Variants in SNX25 observed in about 807,000 individuals in gnomAD.
SNX25 encodes the protein sorting nexin-25.
Under a neutral mutation model 113.7 loss-of-function variants are expected in SNX25, and 62 were observed. That is an observed-to-expected ratio of 0.55 (90% confidence interval 0.44 to 0.67). The LOEUF (loss-of-function observed/expected upper bound fraction) is 0.67. SNX25 is among the 30% of genes least tolerant of loss of function. SNX25 has a pLI of 0.00. For missense variants in SNX25, 1,014 were observed against 1,161.0 expected (o/e 0.87, Z 1.84); for synonymous variants, 421 against 436.2 (o/e 0.97, Z 0.43).
In SNX25 at chr4:185,362,075, G is replaced by A. The variant is rs2095366947; in HGVS notation, c.2803G>A (p.Ala935Thr). Reference protein sequence around the residue: ...KEQSQETKQRAQQKLLENIPD... With the variant: ...KEQSQETKQRTQQKLLENIPD... ...GCAAAGTCAGGAAACAAAACAGAGA[G>A]CACAGCAAAAGCTGCTTGAAAACAT... Residue 935 changes from alanine to threonine, a missense_variant, in exon 17 of 19, where the codon GCA (alanine) becomes ACA (threonine). Physicochemically the swap from Ala to Thr is moderately conservative, Grantham distance 58 (BLOSUM62 0). Coordinates refer to ENST00000652585, the MANE Select transcript of SNX25 (RefSeq NM_001378034.2). 1 of 1,613,768 alleles carries A rather than the reference G, an allele frequency of 6.2e-7. No homozygotes were observed. Among genetic ancestry groups the A allele is most frequent in the Non-Finnish European group, 8.5e-7 (1 of 1,179,756 alleles).
downstream of SNX25, among the ~76,000 whole-genome samples, chr4:185,371,804 G>A (rs919573452): frequency 3.3e-5 from 5 of 152,256 alleles, no homozygotes; most frequent in South Asian, 2.1e-4. Flanking sequence ...AGCCCGAGAC[G>A]CTGGGGAAGC....
At chr4:185,230,462 C>T (rs1306427106) in intron 1 of SNX25, among the ~76,000 whole-genome samples, 1 of 150,412 alleles carries the variant, frequency 6.6e-6, no homozygotes, top group East Asian at 2.0e-4. Flanking sequence ...GGCACAATAT[C>T]AGCTCACGCA....
chr4:185,340,186 A>G (rs1408293169), intron 11 of SNX25, among the ~76,000 whole-genome samples: 3 of 152,216 alleles, frequency 2.0e-5, no homozygotes, highest in Non-Finnish European at 2.9e-5. Flanking sequence ...GGTCCTGAGC[A>G]AGAGAGTGCT....
At chr4:185,251,459 A>G (rs1745630168) in intron 2 of SNX25, among the ~76,000 whole-genome samples, 1 of 152,144 alleles carries the variant, frequency 6.6e-6, no homozygotes, top group Non-Finnish European at 1.5e-5. Context: ...GAATTTGACT[A>G]AGTATCTTAC....
chr4:185,311,351 T>C (rs1050806887), intron 7 of SNX25, among the ~76,000 whole-genome samples: 1 of 152,232 alleles, frequency 6.6e-6, no homozygotes, highest in African/African-American at 2.4e-5. Context: ...GCTTTCTCAC[T>C]GAACCATAAC....
At chr4:185,294,644 A>C (rs1366004092) in intron 6 of SNX25, among the ~76,000 whole-genome samples, 1 of 152,198 alleles carries the variant, frequency 6.6e-6, no homozygotes, top group African/African-American at 2.4e-5. Flanking sequence ...TGTTTCTGCT[A>C]TTTCCAAGTC....
chr4:185,290,374 T>A (rs1751976091), intron 6 of SNX25, among the ~76,000 whole-genome samples: 1 of 152,206 alleles, frequency 6.6e-6, no homozygotes, highest in Non-Finnish European at 1.5e-5. Flanking sequence ...CCTTCTGTTG[T>A]TTAAGCACTG....
downstream of SNX25, chr4:185,367,315 T>G: frequency 2.2e-6 from 3 of 1,372,296 alleles, no homozygotes; most frequent in Admixed American, 2.2e-5. Context: ...TTTTTTTTTT[T>G]TCTTTTTTGA....
At chr4:185,310,104 G>T (rs1352709928) in intron 6 of SNX25, among the ~76,000 whole-genome samples, 1 of 152,208 alleles carries the variant, frequency 6.6e-6, no homozygotes, top group African/African-American at 2.4e-5. Flanking sequence ...CCTCAAAGAA[G>T]CCTGAGTTAG....
chr4:185,231,870 G>C (rs1741928366), intron 1 of SNX25, among the ~76,000 whole-genome samples: 3 of 152,272 alleles, frequency 2.0e-5, no homozygotes, highest in Middle Eastern at 3.4e-3. Flanking sequence ...CTGTCTCTTT[G>C]AGTAGATTTA....
intron 1 of SNX25, among the ~76,000 whole-genome samples, chr4:185,243,818 A>G (rs562863115): frequency 1.3e-5 from 2 of 152,274 alleles, no homozygotes; most frequent in African/African-American, 4.8e-5. Context: ...GGCAAGAGGT[A>G]GTAGATCTGT....
chr4:185,355,469 G>C (rs535948221), intron 15 of SNX25, among the ~76,000 whole-genome samples: 2 of 152,168 alleles, frequency 1.3e-5, no homozygotes, highest in African/African-American at 4.8e-5. Context: ...ACAGATTAAG[G>C]GTCCAAAAAT....
upstream of SNX25, among the ~76,000 whole-genome samples, chr4:185,206,816 G>A (rs1053723581): frequency 6.6e-5 from 10 of 152,234 alleles, no homozygotes; most frequent in African/African-American, 2.2e-4. Context: ...TACACCCTTC[G>A]CCGGCTGGAG....
chr4:185,364,311 G>C (rs1323470756), downstream of SNX25: 1 of 152,134 alleles, frequency 6.6e-6, no homozygotes, highest in Non-Finnish European at 1.5e-5. Context: ...AGACCACAGG[G>C]ACATTAGGGG....
At chr4:185,205,212 T>A (rs1423004611), upstream of SNX25, among the ~76,000 whole-genome samples, 1 of 152,248 alleles carries the variant, frequency 6.6e-6, no homozygotes, top group Non-Finnish European at 1.5e-5. Context: ...TCCCAGCACT[T>A]CGGGAGGCCG....
At chr4:185,267,577 A>G (rs1748308955) in intron 5 of SNX25, among the ~76,000 whole-genome samples, 1 of 152,058 alleles carries the variant, frequency 6.6e-6, no homozygotes, top group African/African-American at 2.4e-5. Flanking sequence ...CTAAAAATAC[A>G]AAAATCAGCT....
chr4:185,253,203 G>A (rs1745918457), intron 2 of SNX25, among the ~76,000 whole-genome samples: 1 of 152,134 alleles, frequency 6.6e-6, no homozygotes, highest in African/African-American at 2.4e-5. Flanking sequence ...TTGAGTACAT[G>A]CTATTTGTTC....
At chr4:185,218,245 T>A (rs1423436702) in intron 1 of SNX25, among the ~76,000 whole-genome samples, 1 of 152,192 alleles carries the variant, frequency 6.6e-6, no homozygotes. Flanking sequence ...CCATCAAGCC[T>A]GGCTAATTTT....
Position 185,334,026 on chromosome 4 carries a change from G to A in SNX25, c.1914+1267G>A, listed in dbSNP as rs1275680284. ...ATCATGTTACTGCACTCCAGACTGG[G>A]CAATAGTCTCAAAAAAAAAAAAAAA... On this transcript the variant is annotated intron_variant, in intron 10 of 18. Transcript: ENST00000652585. The surrounding 1 kb of genome is among the most constrained non-coding windows in gnomAD (Gnocchi z 4.2). 1.4e-5 allele frequency among the ~76,000 whole-genome samples: 2 copies of A among 144,838 alleles called. No homozygotes were observed. The highest frequency in any genetic ancestry group is 1.5e-5 in the Non-Finnish European group (1 of 67,150).
Sources: gnomAD v4.1 joint callset for allele counts (sites outside exome capture counted in the v4.1 genomes callset) on GRCh38, gnomAD v4.1.1 for gene constraint, Gnocchi (gnomAD v3.1) non-coding constraint, MANE v1.5 for transcripts, NCBI Gene and HGNC (gene_info 2026-07-23, HGNC 2026-07-21) for gene names.